Variants in PRDM5 observed in about 807,000 individuals in gnomAD.
PRDM5 encodes PR domain zinc finger protein 5.
A neutral mutation model predicts 81.2 loss-of-function variants in PRDM5; 56 were observed. The observed-to-expected ratio is 0.69, with a 90% confidence interval of 0.56 to 0.86. PRDM5 has a LOEUF of 0.86. Ranked by LOEUF, PRDM5 falls within the 40% of genes least tolerant of loss-of-function variation. PRDM5 has a pLI of 0.00. For missense variants in PRDM5, 697 were observed against 770.1 expected (o/e 0.91, Z 1.12); for synonymous variants, 267 against 256.4 (o/e 1.04, Z -0.39).
chr4:120,686,773 T>G (rs1252355495), intron 1 of PRDM5, among the ~76,000 whole-genome samples: 3 of 152,024 alleles, frequency 2.0e-5, no homozygotes, highest in Non-Finnish European at 4.4e-5. Flanking sequence ...CTTTTCTGAC[T>G]TAGCTAAACT....
chr4:120,870,553 G>A (rs1761674794), intron 2 of PRDM5, among the ~76,000 whole-genome samples: 1 of 152,102 alleles, frequency 6.6e-6, no homozygotes, highest in Non-Finnish European at 1.5e-5. Flanking sequence ...AGGCCCCTAA[G>A]CCAGCCCAGG....
At chr4:120,753,454 T>A (rs902331117) in intron 14 of PRDM5, among the ~76,000 whole-genome samples, 3 of 152,164 alleles carry the variant, frequency 2.0e-5, no homozygotes, top group African/African-American at 7.2e-5. Flanking sequence ...AGATTTGCTT[T>A]AATAAGTGGA....
intron 10 of PRDM5, among the ~76,000 whole-genome samples, chr4:120,788,624 A>G (rs1750109692): frequency 6.6e-6 from 1 of 152,192 alleles, no homozygotes; most frequent in African/African-American, 2.4e-5. Context: ...CTCTTTCCAA[A>G]TTTGGGACAT....
chr4:120,772,239 A>G (rs1747400604), intron 13 of PRDM5, among the ~76,000 whole-genome samples: 1 of 152,204 alleles, frequency 6.6e-6, no homozygotes, highest in Non-Finnish European at 1.5e-5. Context: ...CCTGACTACA[A>G]AATTTCAAAT....
chr4:120,902,376 C>T lies in PRDM5; in HGVS notation c.177+5098G>A, dbSNP rs115365691. Among the ~76,000 whole-genome samples, 663 of 152,084 alleles carry T rather than the reference C, an allele frequency of 4.4e-3. 6 individuals are homozygous for T. The highest frequency in any genetic ancestry group is 0.016 in the African/African-American group (652 of 41,476). ...TTATAGAAAGAGGATGTCTTGGAGA[C>T]GTAAAAACAAAGAATTATTGAGAGT... On this transcript the variant is annotated intron_variant, in intron 2 of 15. Coordinates refer to ENST00000264808, the MANE Select transcript of PRDM5 (RefSeq NM_018699.4).
rs1011475393 is a variant in PRDM5, at chr4:120,741,907, A to G, written c.1623+12646T>C. On this transcript the variant is annotated intron_variant, in intron 14 of 15. Transcript: ENST00000264808. ...GGTAAACAAAGCAGCCAGCCAGCTC[A>G]AACTGGGTGGAGCCCACCACAGCTC... is the stretch of plus-strand genomic sequence containing the variant. Among the ~76,000 whole-genome samples, 52 of 152,286 alleles carry G rather than the reference A, an allele frequency of 3.4e-4. No individual in the cohort carries two copies. The East Asian group carries it at 3.7e-3, about 11-fold the overall frequency.
At chr4:120,839,236 C>A (rs1327179777) in intron 3 of PRDM5, 1 of 703,084 alleles carries the variant, frequency 1.4e-6, no homozygotes, top group East Asian at 2.7e-5. Context: ...TGTTACAGCT[C>A]TTTTAGCCTC....
intron 8 of PRDM5, among the ~76,000 whole-genome samples, chr4:120,806,901 A>G (rs1213918909): frequency 6.6e-6 from 1 of 152,244 alleles, no homozygotes; most frequent in Non-Finnish European, 1.5e-5. Flanking sequence ...CTACCATCAG[A>G]GCGAACAGGC....
In PRDM5 at chr4:120,820,151, T is replaced by G. The variant is rs536701981; in HGVS notation, c.475+1020A>C. On this transcript the variant is annotated intron_variant, in intron 4 of 15. Coordinates refer to ENST00000264808, the MANE Select transcript of PRDM5 (RefSeq NM_018699.4). ...GAATTGTATTAAGAGGTGGGCCCTT[T>G]AGGAGATGATTAGGTTATGAGCACT... Among the ~76,000 whole-genome samples the G allele has an allele frequency of 5.3e-5, 8 of 152,364 alleles. No homozygotes were observed. The South Asian group carries it at 1.7e-3, about 32-fold the overall frequency.
chr4:120,731,270 A>AC (rs1248443412), intron 14 of PRDM5, among the ~76,000 whole-genome samples: 1 of 152,094 alleles, frequency 6.6e-6, no homozygotes, highest in Non-Finnish European at 1.5e-5. Context: ...AATGTACAAC[A>AC]AGTGATGATA....
At chr4:120,747,477 G>T (rs843560) in intron 14 of PRDM5, among the ~76,000 whole-genome samples, 150,446 of 152,058 alleles carry the variant, frequency 0.99, 74,439 homozygotes, top group Middle Eastern at 1. Context: ...ATAAATTTTT[G>T]GGGGGATAAT....
chr4:120,711,730 C>A (rs34616798), intron 14 of PRDM5, among the ~76,000 whole-genome samples: 2 of 151,832 alleles, frequency 1.3e-5, no homozygotes, highest in Non-Finnish European at 2.9e-5. Flanking sequence ...CAAAGAAGTA[C>A]CTCAAAATGA....
At chr4:120,877,828 A>G (rs1160421925) in intron 2 of PRDM5, among the ~76,000 whole-genome samples, 2 of 152,132 alleles carry the variant, frequency 1.3e-5, no homozygotes, top group Non-Finnish European at 2.9e-5. Context: ...TAAACAAACA[A>G]ACAAACTTAT....
intron 15 of PRDM5, among the ~76,000 whole-genome samples, chr4:120,704,077 T>A (rs1221135657): frequency 6.6e-6 from 1 of 152,126 alleles, no homozygotes; most frequent in Non-Finnish European, 1.5e-5. Context: ...GAAAGGAAGT[T>A]GAGCAAGATG....
At chr4:120,707,421 A>G (rs1736347224) in intron 15 of PRDM5, among the ~76,000 whole-genome samples, 1 of 152,016 alleles carries the variant, frequency 6.6e-6, no homozygotes, top group Admixed American at 6.6e-5. Context: ...GCTAGGTAAA[A>G]AGGGAGATTT....
At chr4:120,880,145 A>G (rs897748440) in intron 2 of PRDM5, among the ~76,000 whole-genome samples, 13 of 152,314 alleles carry the variant, frequency 8.5e-5, no homozygotes, top group African/African-American at 3.1e-4. Context: ...TCTGTAATTT[A>G]TACTTAATTT....
At chr4:120,703,610 C>T (rs879522030) in intron 15 of PRDM5, among the ~76,000 whole-genome samples, 7 of 152,174 alleles carry the variant, frequency 4.6e-5, no homozygotes, top group Non-Finnish European at 1.0e-4. Context: ...TATCTTACAA[C>T]TTTCACCATG....
intron 2 of PRDM5, among the ~76,000 whole-genome samples, chr4:120,883,251 T>A (rs771899052): frequency 6.6e-6 from 1 of 152,232 alleles, no homozygotes; most frequent in African/African-American, 2.4e-5. Context: ...AAAGATCAAT[T>A]AATCATCTCC....
chr4:120,859,089 T>G (rs2148490389), intron 2 of PRDM5, among the ~76,000 whole-genome samples: 1 of 152,300 alleles, frequency 6.6e-6, no homozygotes, highest in East Asian at 1.9e-4. Flanking sequence ...TACCAGTGGG[T>G]ATTTTGCAAT....
Sources: gnomAD v4.1 joint callset for allele counts (sites outside exome capture counted in the v4.1 genomes callset) on GRCh38, gnomAD v4.1.1 for gene constraint, MANE v1.5 for transcripts, NCBI Gene and HGNC (gene_info 2026-07-23, HGNC 2026-07-21) for gene names.